Variants in CRB1 observed in about 807,000 individuals in gnomAD.
The protein encoded by CRB1 is protein crumbs homolog 1.
CRB1 carries 83 observed loss-of-function variants against 120.0 expected under a neutral mutation model. The observed-to-expected ratio is 0.69, with a 90% CI of 0.58 to 0.83. CRB1 has a LOEUF of 0.83. Among genes scored for constraint, CRB1 ranks in the 40% least tolerant of loss-of-function variants. CRB1 has a pLI of 0.00. For synonymous variants in CRB1, 625 were observed against 612.5 expected (o/e 1.02, Z -0.30); for missense variants, 1,699 against 1,687.6 (o/e 1.01, Z -0.12).
chr1:197,474,428 T>G (rs1186708415), intron 11 of CRB1, among the ~76,000 whole-genome samples: 1 of 152,158 alleles, frequency 6.6e-6, no homozygotes, highest in Non-Finnish European at 1.5e-5. Context: ...AATTTGCTCT[T>G]TTATTTTTAT....
chr1:197,250,398 C>T, the CRB1 span, among the ~76,000 whole-genome samples: 10 of 151,936 alleles, frequency 6.6e-5, no homozygotes, highest in African/African-American at 2.4e-4. Context: ...GACCTGTTTT[C>T]CCTTCTTTAC....
At chr1:197,416,501 G>A (rs1202382913) in intron 5 of CRB1, among the ~76,000 whole-genome samples, 1 of 152,018 alleles carries the variant, frequency 6.6e-6, no homozygotes, top group Non-Finnish European at 1.5e-5. Flanking sequence ...TTTGTAGTCT[G>A]AGAGTACTCT....
At chr1:197,444,570 G>A (rs1054942454) in intron 11 of CRB1, 2 of 152,126 alleles carry the variant, frequency 1.3e-5, no homozygotes, top group Admixed American at 1.3e-4. Flanking sequence ...TGTTCCAAAT[G>A]TAATATGTTC....
At chr1:197,302,370 A>G (rs1383035792) in intron 1 of CRB1, among the ~76,000 whole-genome samples, 1 of 152,230 alleles carries the variant, frequency 6.6e-6, no homozygotes, top group Non-Finnish European at 1.5e-5. Context: ...TGTAAGTATA[A>G]CTTTTATATG....
chr1:197,322,313 A>T (rs1262095682), intron 1 of CRB1, among the ~76,000 whole-genome samples: 2 of 151,926 alleles, frequency 1.3e-5, no homozygotes, highest in African/African-American at 4.8e-5. Context: ...AATAGAAAAA[A>T]TTAGCTGGGC....
At chr1:197,426,071 T>A (rs920301475) in intron 6 of CRB1, among the ~76,000 whole-genome samples, 1 of 151,788 alleles carries the variant, frequency 6.6e-6, no homozygotes, top group Non-Finnish European at 1.5e-5. Flanking sequence ...GACTCCCACC[T>A]CACCCAAAAA....
intron 5 of CRB1, among the ~76,000 whole-genome samples, chr1:197,396,954 A>C (rs1662804037): frequency 6.6e-6 from 1 of 152,136 alleles, no homozygotes; most frequent in Admixed American, 6.5e-5. Context: ...ATTGCACTTC[A>C]CCAAAATTAA....
At chr1:197,366,452 T>G (rs1296675770) in intron 5 of CRB1, among the ~76,000 whole-genome samples, 4 of 152,224 alleles carry the variant, frequency 2.6e-5, no homozygotes, top group African/African-American at 9.6e-5. Context: ...TTTTTTTGTA[T>G]TATAATTAAG....
intron 6 of CRB1, among the ~76,000 whole-genome samples, chr1:197,422,566 A>G (rs1172817403): frequency 2.0e-5 from 3 of 152,094 alleles, no homozygotes; most frequent in Non-Finnish European, 2.9e-5. Flanking sequence ...AGAAAAAAAA[A>G]TGTGGAAAGT....
At chr1:197,411,529 T>C (rs1053849633) in intron 5 of CRB1, among the ~76,000 whole-genome samples, 2 of 152,222 alleles carry the variant, frequency 1.3e-5, no homozygotes, top group African/African-American at 2.4e-5. Flanking sequence ...CTTCAGATTA[T>C]AGAAAACTGT....
the CRB1 span, among the ~76,000 whole-genome samples, chr1:197,206,927 T>G: frequency 6.6e-6 from 1 of 152,144 alleles, no homozygotes. Context: ...CAGTATTAGG[T>G]GTATGTATAT....
chr1:197,388,597 A>C (rs939703221), intron 5 of CRB1, among the ~76,000 whole-genome samples: 9 of 152,062 alleles, frequency 5.9e-5, no homozygotes, highest in Non-Finnish European at 2.9e-5. Context: ...TAAAAGAATA[A>C]TTAAATAGCC....
intron 6 of CRB1, among the ~76,000 whole-genome samples, chr1:197,425,150 T>G (rs2125478353): frequency 6.6e-6 from 1 of 152,334 alleles, no homozygotes; most frequent in East Asian, 1.9e-4. Context: ...CTCAGGGGCT[T>G]CAAGGGCCAA....
chr1:197,254,461 A>C, the CRB1 span, among the ~76,000 whole-genome samples: 4 of 152,062 alleles, frequency 2.6e-5, no homozygotes, highest in Non-Finnish European at 5.9e-5. Flanking sequence ...TAGTAGTGTC[A>C]CCGTGATTTA....
At chr1:197,340,799 C>A (rs1031764296) in intron 2 of CRB1, among the ~76,000 whole-genome samples, 24 of 152,052 alleles carry the variant, frequency 1.6e-4, no homozygotes, top group African/African-American at 5.3e-4. Context: ...TGAAGGTTAT[C>A]ATTATTTGGA....
Position 197,449,085 on chromosome 1 carries a change from A to G in CRB1, c.4005+6793A>G, listed in dbSNP as rs143221352. ...CAAATTCATAGTGGTATTTACAACA[A>G]TGTCAAAAGAATAGCAACTATGTCA... On this transcript the variant is annotated intron_variant, in intron 11 of 11. Coordinates refer to ENST00000367400, the MANE Select transcript of CRB1 (RefSeq NM_201253.3). Among the ~76,000 whole-genome samples, 5 of 152,346 alleles carry G rather than the reference A, an allele frequency of 3.3e-5. No homozygotes were observed. In the East Asian group the frequency reaches 7.7e-4, roughly 24 times the overall value.
chr1:197,242,994 G>T, the CRB1 span, among the ~76,000 whole-genome samples: 4 of 152,046 alleles, frequency 2.6e-5, no homozygotes, highest in Admixed American at 2.0e-4. Flanking sequence ...ATGGTAGTTT[G>T]TATTTCTGTG....
intron 8 of CRB1, 91 bp downstream of exon 8, chr1:197,429,705 G>A: frequency 1.5e-6 from 2 of 1,336,148 alleles, no homozygotes; most frequent in Non-Finnish European, 2.1e-6. Flanking sequence ...TATAGACAAA[G>A]CCAGTTTATT....
intron 1 of CRB1, among the ~76,000 whole-genome samples, chr1:197,327,644 G>T (rs1164569571): frequency 2.6e-5 from 4 of 152,094 alleles, no homozygotes; most frequent in African/African-American, 7.2e-5. Context: ...CTTTATTTTA[G>T]CACTAGAAAT....
Sources: gnomAD v4.1 joint callset for allele counts (sites outside exome capture counted in the v4.1 genomes callset) on GRCh38, gnomAD v4.1.1 for gene constraint, MANE v1.5 for transcripts, NCBI Gene and HGNC (gene_info 2026-07-23, HGNC 2026-07-21) for gene names.